The following CAST variants were observed in gnomAD, a reference collection of about 807,000 sequenced individuals.
CAST encodes the protein MIR583 host.
A neutral mutation model predicts 119.6 loss-of-function variants in CAST; 76 were observed. That is an observed-to-expected ratio of 0.64 (90% CI 0.53 to 0.77). CAST has a LOEUF of 0.77. CAST is among the 30% of genes least tolerant of loss of function. The pLI is 0.00. For synonymous variants in CAST, 319 were observed against 331.6 expected, an observed-to-expected ratio of 0.96 and a Z score of 0.41; for missense variants, 953 against 946.5, an observed-to-expected ratio of 1.01 and a Z score of -0.09.
At chr5:96,102,188 G>A in the CAST span, among the ~76,000 whole-genome samples, 3 of 152,110 alleles carry the variant, frequency 2.0e-5, no homozygotes, top group Non-Finnish European at 4.4e-5. Flanking sequence ...GCTCTTGTCT[G>A]GCATCCAAGA....
chr5:96,112,900 C>T, the CAST span, among the ~76,000 whole-genome samples: 6 of 152,108 alleles, frequency 3.9e-5, no homozygotes, highest in South Asian at 2.1e-4. Context: ...TCCAGCATGG[C>T]GGGAGATGGA....
At chr5:96,165,537 T>A in the CAST span, among the ~76,000 whole-genome samples, 1 of 152,216 alleles carries the variant, frequency 6.6e-6, no homozygotes, top group African/African-American at 2.4e-5. Flanking sequence ...ACACATAACT[T>A]TATTATAAAC....
the CAST span, among the ~76,000 whole-genome samples, chr5:95,972,330 A>T: frequency 6.6e-6 from 1 of 152,072 alleles, no homozygotes; most frequent in Non-Finnish European, 1.5e-5. Context: ...ACTATTGCTC[A>T]TAGTGACTGT....
At chr5:96,301,773 C>A in the CAST span, among the ~76,000 whole-genome samples, 1 of 152,228 alleles carries the variant, frequency 6.6e-6, no homozygotes, top group African/African-American at 2.4e-5. Context: ...GACAGCTCCT[C>A]CCCTGTGGCC....
At chr5:96,291,588 A>G in the CAST span, among the ~76,000 whole-genome samples, 3 of 152,024 alleles carry the variant, frequency 2.0e-5, no homozygotes, top group Non-Finnish European at 4.4e-5. Flanking sequence ...TGGCTCACTT[A>G]ACTCATTCAT....
the CAST span, among the ~76,000 whole-genome samples, chr5:96,274,551 G>A: frequency 2.0e-5 from 3 of 152,200 alleles, no homozygotes; most frequent in Admixed American, 6.5e-5. Flanking sequence ...TTCAATAAAT[G>A]TGTTCAATTC....
At chr5:96,762,442 C>T (rs1768344451) in intron 25 of CAST, 70 bp downstream of exon 25, 1 of 1,097,364 alleles carries the variant, frequency 9.1e-7, no homozygotes, top group South Asian at 1.6e-5. Flanking sequence ...AATAGGGCGC[C>T]TGTTTAAAGC....
rs1216668361 is a variant in CAST at position 96,668,564 on chromosome 5, AC to A, written c.75+6069del. ...GTTCTTAAAATGAACAAGGCAATGA[AC>A]CAGGTGCCTCACTAATGTCAACTCT... On this transcript the variant is annotated intron_variant, in intron 1 of 31. Coordinates refer to ENST00000675179, the MANE Select transcript of CAST (RefSeq NM_001750.7). Among the ~76,000 whole-genome samples, 4 of 152,344 alleles carry A rather than the reference AC, an allele frequency of 2.6e-5. No homozygotes were observed. The East Asian group carries it at 7.7e-4, about 29-fold the overall frequency.
the CAST span, among the ~76,000 whole-genome samples, chr5:96,027,960 G>A: frequency 6.6e-6 from 1 of 151,712 alleles, no homozygotes; most frequent in African/African-American, 2.4e-5. Context: ...TTGACTGGAT[G>A]ATGATCTTGA....
At chr5:96,491,053 G>C in the CAST span, among the ~76,000 whole-genome samples, 1 of 151,438 alleles carries the variant, frequency 6.6e-6, no homozygotes, top group African/African-American at 2.4e-5. Context: ...CAAACCAACA[G>C]AAAAAAATAG....
the CAST span, among the ~76,000 whole-genome samples, chr5:96,115,517 T>TCC: frequency 6.6e-6 from 1 of 152,224 alleles, no homozygotes; most frequent in African/African-American, 2.4e-5. Flanking sequence ...CACAGATAAG[T>TCC]AACTTGTCCA....
intron 10 of CAST, among the ~76,000 whole-genome samples, chr5:96,736,554 A>C (rs1761688112): frequency 6.6e-6 from 1 of 152,214 alleles, no homozygotes. Context: ...CTAAAGAAGT[A>C]AGGTACTTCT....
the CAST span, among the ~76,000 whole-genome samples, chr5:96,164,886 T>C: frequency 6.6e-6 from 1 of 152,124 alleles, no homozygotes; most frequent in Non-Finnish European, 1.5e-5. Context: ...GTACTGGCAA[T>C]GATTCTGGAA....
chr5:96,700,685 A>T (rs974753018), intron 3 of CAST, among the ~76,000 whole-genome samples: 1 of 152,166 alleles, frequency 6.6e-6, no homozygotes, highest in African/African-American at 2.4e-5. Flanking sequence ...TAAAATGCAG[A>T]TTCTCAGGTT....
At chr5:96,193,171 T>G in the CAST span, among the ~76,000 whole-genome samples, 2 of 152,218 alleles carry the variant, frequency 1.3e-5, no homozygotes, top group Non-Finnish European at 2.9e-5. Context: ...TTTTTTTTGT[T>G]TCTGATAGCA....
chr5:96,548,461 C>G (rs1453167045), intron 1 of CAST, among the ~76,000 whole-genome samples: 1 of 152,106 alleles, frequency 6.6e-6, no homozygotes, highest in Non-Finnish European at 1.5e-5. Context: ...CACCAAGGAT[C>G]CTGCAGAATA....
chr5:96,432,758 T>A, the CAST span: 1 of 880,758 alleles, frequency 1.1e-6, no homozygotes, highest in Non-Finnish European at 1.9e-6. Flanking sequence ...TTTGCTACTC[T>A]GGGCTCTGGA....
chr5:96,534,819 A>G (rs577263834), intron 1 of CAST, among the ~76,000 whole-genome samples: 10 of 147,014 alleles, frequency 6.8e-5, no homozygotes, highest in Middle Eastern at 3.8e-3. Context: ...AAAGAAAGAA[A>G]GAAAAGAAAG....
chr5:96,031,462 T>C, the CAST span, among the ~76,000 whole-genome samples: 1 of 152,154 alleles, frequency 6.6e-6, no homozygotes, highest in Non-Finnish European at 1.5e-5. Context: ...AAAACCACTT[T>C]TGCCCGCTTG....
Sources: allele counts gnomAD v4.1 joint callset (sites outside exome capture counted in the v4.1 genomes callset), GRCh38; gene constraint gnomAD v4.1.1; transcripts MANE v1.5; gene names NCBI Gene and HGNC (gene_info 2026-07-23, HGNC 2026-07-21).